SH3RF3: variants seen among roughly 807,000 people sequenced by gnomAD.
SH3RF3 encodes the protein E3 ubiquitin-protein ligase SH3RF3.
A neutral mutation model predicts 66.3 loss-of-function variants in SH3RF3; 29 were observed. The observed-to-expected ratio is 0.44, with a 90% CI of 0.33 to 0.60. The LOEUF is 0.60. Among genes scored for constraint, SH3RF3 ranks in the 20% least tolerant of loss-of-function variants. SH3RF3 has a pLI of 0.04. For synonymous variants in SH3RF3, 583 were observed against 532.0 expected, an observed-to-expected ratio of 1.10 and a Z score of -1.32; for missense variants, 1,194 against 1,190.9, an observed-to-expected ratio of 1.00 and a Z score of -0.04.
chr2:109,497,089 G>T (rs989109169), intron 9 of SH3RF3, among the ~76,000 whole-genome samples: 28 of 152,212 alleles, frequency 1.8e-4, no homozygotes, highest in Admixed American at 1.8e-3. Flanking sequence ...GTGAGACCAC[G>T]TTGGAGTTCT....
At position 109,242,818 on chromosome 2, in the gene SH3RF3, T is replaced by C. The variant is rs545362318; in HGVS notation, c.574-104856T>C. Among the ~76,000 whole-genome samples, 5 of 152,302 alleles carry C rather than the reference T, an allele frequency of 3.3e-5. No individual in the cohort carries two copies. In the South Asian group the frequency reaches 1.0e-3, roughly 32 times the overall value. Reference sequence around the variant, plus strand: ...TTGGAGAGGATGGGGACCCTCACTCTGTGGCCCAAATAGAGCAATAGGGCC... The same window carrying C: ...TTGGAGAGGATGGGGACCCTCACTCCGTGGCCCAAATAGAGCAATAGGGCC... On this transcript the variant is annotated intron_variant, in intron 1 of 9. Coordinates refer to ENST00000309415, the MANE Select transcript of SH3RF3 (RefSeq NM_001099289.3).
chr2:109,236,269 G>A (rs998003292), intron 1 of SH3RF3, among the ~76,000 whole-genome samples: 7 of 152,138 alleles, frequency 4.6e-5, no homozygotes, highest in Non-Finnish European at 7.3e-5. Flanking sequence ...ATTCCCCTCG[G>A]TCCTAAAGTC....
chr2:109,184,568 A>T (rs1416295118), intron 1 of SH3RF3, among the ~76,000 whole-genome samples: 2 of 152,214 alleles, frequency 1.3e-5, no homozygotes, highest in Admixed American at 6.5e-5. Context: ...AGCCCCTCTG[A>T]TCCAGGTTGT....
At position 109,287,828 on chromosome 2, in the gene SH3RF3, C is replaced by A. The variant is rs144977573; in HGVS notation, c.574-59846C>A. 2.3e-3 allele frequency among the ~76,000 whole-genome samples: 355 copies of A among 152,322 alleles called. 1 individual carries two copies. Among genetic ancestry groups the A allele is most frequent in the African/African-American group, 8.1e-3 (338 of 41,568 alleles). On this transcript the variant is annotated intron_variant, in intron 1 of 9. Coordinates refer to ENST00000309415, the MANE Select transcript of SH3RF3 (RefSeq NM_001099289.3). ...TGCCAGTTTTAGGGCGCTGCACTCT[C>A]CTGTGTGCAGTTTCCTAAACCCCAC...
chr2:109,324,678 G>A (rs1682106765), intron 1 of SH3RF3, among the ~76,000 whole-genome samples: 1 of 152,182 alleles, frequency 6.6e-6, no homozygotes, highest in East Asian at 1.9e-4. Context: ...CCTTTCTCCT[G>A]GATCCCAAAG....
At position 109,371,675 on chromosome 2, in the gene SH3RF3, C is replaced by T. The variant is rs567464468; in HGVS notation, c.939C>T (p.Tyr313=). Residue 313 remains tyrosine (Y), a synonymous_variant, in exon 3 of 10, where the codon TAC becomes TAT. Coordinates refer to ENST00000309415, the MANE Select transcript of SH3RF3 (RefSeq NM_001099289.3). ...GDKIGIFPLL[Y]VELNDSAKQL... ...AGATCGGGATCTTCCCGCTCCTGTA[C>T]GTGGAGGTAAGACCGTGCCGCCCTC... 54 of 1,613,606 alleles carry T rather than the reference C, an allele frequency of 3.3e-5. No homozygotes were observed. In the African/African-American group the frequency reaches 5.9e-4, roughly 18 times the overall value.
intron 1 of SH3RF3, among the ~76,000 whole-genome samples, chr2:109,299,420 ATCCTTAAGAT>A (rs1376905150): frequency 8.7e-5 from 13 of 149,792 alleles, no homozygotes; most frequent in Non-Finnish European, 1.8e-4. Context: ...TTGAGTGGCC[ATCCTTAAGAT>A]CACCCTAAGG....
chr2:109,403,459 C>G (rs565980473), intron 4 of SH3RF3, among the ~76,000 whole-genome samples: 1 of 152,348 alleles, frequency 6.6e-6, no homozygotes, highest in Admixed American at 6.5e-5. Context: ...CACCTCAGGG[C>G]TGTACTTCTG....
chr2:109,315,943 A>T (rs1681869060), intron 1 of SH3RF3, among the ~76,000 whole-genome samples: 1 of 152,124 alleles, frequency 6.6e-6, no homozygotes, highest in South Asian at 2.1e-4. Flanking sequence ...GAGAATATGG[A>T]GCCTTTTGAG....
chr2:109,277,568 C>G (rs760331957), intron 1 of SH3RF3, among the ~76,000 whole-genome samples: 2 of 152,188 alleles, frequency 1.3e-5, no homozygotes, highest in Non-Finnish European at 2.9e-5. Flanking sequence ...CTGAGACTTA[C>G]GTGTACACTG....
intron 5 of SH3RF3, among the ~76,000 whole-genome samples, chr2:109,431,745 C>T (rs920111974): frequency 6.6e-6 from 1 of 152,170 alleles, no homozygotes. Context: ...GCGGTGCACA[C>T]CTGTGGTCCC....
chr2:109,297,957 C>T (rs937255488), intron 1 of SH3RF3, among the ~76,000 whole-genome samples: 1 of 151,394 alleles, frequency 6.6e-6, no homozygotes, highest in East Asian at 2.0e-4. Flanking sequence ...GACTAGTGCC[C>T]CTCAACCAGG....
At chr2:109,291,158 G>T (rs1338645201) in intron 1 of SH3RF3, among the ~76,000 whole-genome samples, 1 of 152,200 alleles carries the variant, frequency 6.6e-6, no homozygotes, top group Non-Finnish European at 1.5e-5. Flanking sequence ...TCTCATGAAC[G>T]TGGGGAGAGT....
At chr2:109,493,609 A>G (rs1679185958) in intron 9 of SH3RF3, among the ~76,000 whole-genome samples, 2 of 150,994 alleles carry the variant, frequency 1.3e-5, no homozygotes, top group East Asian at 2.0e-4. Flanking sequence ...AACCACACAC[A>G]CTGCAAACNC....
intron 1 of SH3RF3, among the ~76,000 whole-genome samples, chr2:109,177,524 T>C (rs1171633391): frequency 6.6e-6 from 1 of 151,880 alleles, no homozygotes; most frequent in Admixed American, 6.6e-5. Flanking sequence ...TTAACTTCTC[T>C]GGGGAGTGTG....
At chr2:109,392,299 G>A (rs1676019904) in intron 3 of SH3RF3, among the ~76,000 whole-genome samples, 1 of 152,192 alleles carries the variant, frequency 6.6e-6, no homozygotes, top group Admixed American at 6.5e-5. Flanking sequence ...GATTCAATGA[G>A]ACATCTCAGA....
At chr2:109,209,007 A>C (rs993101477) in intron 1 of SH3RF3, among the ~76,000 whole-genome samples, 1 of 152,178 alleles carries the variant, frequency 6.6e-6, no homozygotes, top group Admixed American at 6.5e-5. Flanking sequence ...ATCAACACGG[A>C]CATATGGACC....
intron 3 of SH3RF3, among the ~76,000 whole-genome samples, chr2:109,385,281 G>A (rs375047717): frequency 1.5e-4 from 23 of 152,302 alleles, no homozygotes; most frequent in South Asian, 4.1e-4. Context: ...ACAAAACAGC[G>A]CACAAAGGGA....
At chr2:109,285,749 T>C (rs904215774) in intron 1 of SH3RF3, among the ~76,000 whole-genome samples, 6 of 152,224 alleles carry the variant, frequency 3.9e-5, no homozygotes, top group Non-Finnish European at 8.8e-5. Context: ...AGCTGATGCC[T>C]TGTGGAACCT....
Sources: allele counts gnomAD v4.1 joint callset (sites outside exome capture counted in the v4.1 genomes callset), GRCh38; gene constraint gnomAD v4.1.1; transcripts MANE v1.5; gene names NCBI Gene and HGNC (gene_info 2026-07-23, HGNC 2026-07-21).